ELOVL6: variants seen among roughly 807,000 people sequenced by gnomAD.
ELOVL6 encodes very long chain fatty acid elongase 6.
ELOVL6 carries 8 observed loss-of-function variants against 31.7 expected under a neutral mutation model. The ratio of observed to expected loss-of-function variants is 0.25; its 90% CI spans 0.15 to 0.45. The LOEUF (loss-of-function observed/expected upper bound fraction) is 0.45, where lower values mean the gene tolerates loss of function less well. Ranked by LOEUF, ELOVL6 falls within the 20% of genes least tolerant of loss-of-function variation. The pLI, the probability that ELOVL6 is intolerant of heterozygous loss-of-function variation, is 1.00. For synonymous variants in ELOVL6, 101 were observed against 117.7 expected, an observed-to-expected ratio of 0.86 and a Z score of 0.92; for missense variants, 126 against 326.4, an observed-to-expected ratio of 0.39 and a Z score of 4.73.
At chr4:110,155,973 G>C (rs891040854) in intron 1 of ELOVL6, among the ~76,000 whole-genome samples, 4 of 152,210 alleles carry the variant, frequency 2.6e-5, no homozygotes, top group African/African-American at 9.6e-5. Flanking sequence ...AAGCACACAG[G>C]CATTTGAAAA....
At chr4:110,077,806 G>C (rs1755692408) in intron 2 of ELOVL6, among the ~76,000 whole-genome samples, 1 of 152,156 alleles carries the variant, frequency 6.6e-6, no homozygotes, top group African/African-American at 2.4e-5. Context: ...AAAGGAGGAA[G>C]TTCGAACCCA....
intron 2 of ELOVL6, among the ~76,000 whole-genome samples, chr4:110,074,273 A>G (rs1181853365): frequency 6.6e-6 from 1 of 152,212 alleles, no homozygotes; most frequent in Non-Finnish European, 1.5e-5. Context: ...CACAATGTAC[A>G]TGCAATGTAA....
intron 2 of ELOVL6, among the ~76,000 whole-genome samples, chr4:110,095,653 TATAAGC>T (rs1328692277): frequency 6.6e-6 from 1 of 152,156 alleles, no homozygotes; most frequent in African/African-American, 2.4e-5. Context: ...GGTTTTAATG[TATAAGC>T]AAAAGAGTTT....
At chr4:110,161,236 A>G (rs1481366991) in intron 1 of ELOVL6, among the ~76,000 whole-genome samples, 1 of 152,234 alleles carries the variant, frequency 6.6e-6, no homozygotes, top group South Asian at 2.1e-4. Flanking sequence ...CTGTGTATGT[A>G]TAAAATATCT....
At chr4:110,054,045 G>A (rs1045946125) in intron 3 of ELOVL6, among the ~76,000 whole-genome samples, 1 of 152,136 alleles carries the variant, frequency 6.6e-6, no homozygotes, top group African/African-American at 2.4e-5. Flanking sequence ...AGGTTGCAGT[G>A]AGCCAAGATC....
intron 2 of ELOVL6, among the ~76,000 whole-genome samples, chr4:110,083,305 A>T (rs1755939163): frequency 6.6e-6 from 1 of 151,774 alleles, no homozygotes; most frequent in African/African-American, 2.4e-5. Flanking sequence ...TCTGACATGA[A>T]AGAAGTCCTC....
intron 1 of ELOVL6, among the ~76,000 whole-genome samples, chr4:110,158,746 C>G (rs772682085): frequency 1.4e-5 from 2 of 147,076 alleles, no homozygotes; most frequent in Non-Finnish European, 3.0e-5. Flanking sequence ...CTGCAACCTT[C>G]ACCTCCCAAG....
intron 1 of ELOVL6, among the ~76,000 whole-genome samples, chr4:110,108,662 A>G (rs912857404): frequency 1.3e-5 from 2 of 152,262 alleles, no homozygotes; most frequent in African/African-American, 4.8e-5. Flanking sequence ...TCACAGTCAC[A>G]CAGCTTCATG....
intron 1 of ELOVL6, among the ~76,000 whole-genome samples, chr4:110,193,557 T>C (rs144340795): frequency 3.2e-3 from 491 of 152,174 alleles, no homozygotes; most frequent in African/African-American, 0.011. Context: ...TGAGCCAAGA[T>C]TGTGCCACTG....
At chr4:110,195,090 T>A (rs527492638) in intron 1 of ELOVL6, among the ~76,000 whole-genome samples, 1 of 152,296 alleles carries the variant, frequency 6.6e-6, no homozygotes, top group Middle Eastern at 3.4e-3. Flanking sequence ...AAGCCTTGGT[T>A]ATGGAGTTCC....
chr4:110,196,556 T>TA (rs1331024964), intron 1 of ELOVL6, among the ~76,000 whole-genome samples: 1 of 152,178 alleles, frequency 6.6e-6, no homozygotes, highest in Non-Finnish European at 1.5e-5. Flanking sequence ...TCTCGACCCT[T>TA]AGTGTCCAAC....
intron 2 of ELOVL6, among the ~76,000 whole-genome samples, chr4:110,101,440 T>C (rs770356301): frequency 1.3e-5 from 2 of 150,588 alleles, no homozygotes; most frequent in East Asian, 3.9e-4. Context: ...TTCTACAGAA[T>C]TGTGTAGGAG....
At chr4:110,070,603 G>A (rs564615985) in intron 2 of ELOVL6, among the ~76,000 whole-genome samples, 3 of 152,266 alleles carry the variant, frequency 2.0e-5, no homozygotes, top group Non-Finnish European at 4.4e-5. Context: ...AAAATCTCAC[G>A]TTGAACTGTA....
chr4:110,172,360 A>AT (rs1758973997), intron 1 of ELOVL6, among the ~76,000 whole-genome samples: 2 of 152,218 alleles, frequency 1.3e-5, no homozygotes, highest in Admixed American at 1.3e-4. Flanking sequence ...CACTTAAAAG[A>AT]AAGTCATGTA....
chr4:110,061,090 G>A (rs554598848), intron 2 of ELOVL6, among the ~76,000 whole-genome samples: 5 of 152,280 alleles, frequency 3.3e-5, no homozygotes, highest in African/African-American at 9.6e-5. Flanking sequence ...TCTTTCCACT[G>A]TATGAAATTG....
chr4:110,168,958 T>A (rs1451009999), intron 1 of ELOVL6, among the ~76,000 whole-genome samples: 3 of 116,816 alleles, frequency 2.6e-5, no homozygotes, highest in African/African-American at 9.9e-5. Context: ...CCAGTAAGTC[T>A]TTTTTAAATG....
At chr4:110,095,355 G>A (rs1053281369) in intron 2 of ELOVL6, among the ~76,000 whole-genome samples, 3 of 151,972 alleles carry the variant, frequency 2.0e-5, no homozygotes, top group Admixed American at 6.6e-5. Context: ...GGTGGCACAC[G>A]CCTGTAATCC....
intron 1 of ELOVL6, among the ~76,000 whole-genome samples, chr4:110,120,793 C>CTTT (rs1757327343): frequency 7.8e-6 from 1 of 128,952 alleles, no homozygotes; most frequent in Non-Finnish European, 1.7e-5. Context: ...TCTTTTTTTT[C>CTTT]TTTTCTTTTT....
At chr4:110,061,038 T>C (rs931157948) in intron 2 of ELOVL6, among the ~76,000 whole-genome samples, 1 of 152,226 alleles carries the variant, frequency 6.6e-6, no homozygotes, top group Non-Finnish European at 1.5e-5. Flanking sequence ...TCTTTGTAAG[T>C]AGCTTCTCTA....
Sources: allele counts gnomAD v4.1 joint callset (sites outside exome capture counted in the v4.1 genomes callset), GRCh38; gene constraint gnomAD v4.1.1; transcripts MANE v1.5; gene names NCBI Gene and HGNC (gene_info 2026-07-23, HGNC 2026-07-21).